Variants in MAPK8 observed in about 807,000 individuals in gnomAD.
MAPK8 encodes mitogen-activated protein kinase 8.
A neutral mutation model predicts 52.9 loss-of-function variants in MAPK8; 13 were observed. The ratio of observed to expected loss-of-function variants is 0.25; its 90% CI spans 0.16 to 0.39. MAPK8 has a LOEUF of 0.39. MAPK8 is among the 10% of genes least tolerant of loss of function. MAPK8 has a pLI of 1.00. For missense variants in MAPK8, 300 were observed against 519.2 expected (o/e 0.58, Z 4.10); for synonymous variants, 191 against 169.8 (o/e 1.12, Z -0.97).
intron 1 of MAPK8, among the ~76,000 whole-genome samples, chr10:48,375,690 A>G (rs1199627380): frequency 6.6e-6 from 1 of 152,218 alleles, no homozygotes; most frequent in Non-Finnish European, 1.5e-5. Flanking sequence ...AGGGATGTGA[A>G]GGAACTCTTC....
At chr10:48,375,818 A>G (rs1436635164) in intron 1 of MAPK8, among the ~76,000 whole-genome samples, 2 of 152,154 alleles carry the variant, frequency 1.3e-5, no homozygotes, top group Non-Finnish European at 2.9e-5. Flanking sequence ...ACTGCCCAAA[A>G]TAATTTGTAG....
At chr10:48,392,574 A>G (rs1011737390) in intron 1 of MAPK8, among the ~76,000 whole-genome samples, 14 of 152,112 alleles carry the variant, frequency 9.2e-5, no homozygotes, top group African/African-American at 3.4e-4. Flanking sequence ...GTATGGCCAC[A>G]CATGTGCTCT....
intron 1 of MAPK8, among the ~76,000 whole-genome samples, chr10:48,322,401 T>C (rs1284452509): frequency 6.6e-6 from 1 of 152,092 alleles, no homozygotes; most frequent in Non-Finnish European, 1.5e-5. Flanking sequence ...ATAGATAATT[T>C]AAGGTTTGGG....
chr10:48,342,336 C>G (rs189509494), intron 1 of MAPK8, among the ~76,000 whole-genome samples: 233 of 152,184 alleles, frequency 1.5e-3, no homozygotes, highest in Non-Finnish European at 1.6e-3. Context: ...ACTTCCTGGT[C>G]TCAAGCAGTC....
intron 1 of MAPK8, among the ~76,000 whole-genome samples, chr10:48,314,917 C>G (rs1321342125): frequency 1.3e-5 from 2 of 152,206 alleles, no homozygotes; most frequent in Non-Finnish European, 2.9e-5. Context: ...AGATATCCAT[C>G]CATTTGTCCC....
At position 48,334,223 on chromosome 10, in the gene MAPK8, C is replaced by G. The variant is rs550334060; in HGVS notation, c.-50+27402C>G. Among the ~76,000 whole-genome samples, 23 of 152,228 alleles carry G rather than the reference C, an allele frequency of 1.5e-4. No individual in the cohort carries two copies. The East Asian group carries it at 4.2e-3, about 28-fold the overall frequency. ...ATGTCAGATGGAGTCTCTTTGGCTC[C>G]CTCTTTCCTTTGTCCCCTAAGCCTA... On this transcript the variant is annotated intron_variant, in intron 1 of 11. Coordinates refer to ENST00000374189, the MANE Select transcript of MAPK8 (RefSeq NM_001323329.2).
chr10:48,322,437 G>A (rs1843090987), intron 1 of MAPK8, among the ~76,000 whole-genome samples: 1 of 152,166 alleles, frequency 6.6e-6, no homozygotes, highest in Non-Finnish European at 1.5e-5. Flanking sequence ...TTCTAGAGAG[G>A]ATTTTTGTTG....
rs1285936189 is a variant in MAPK8, at chr10:48,437,964, A to G, written c.*2935A>G. The G allele has an allele frequency of 6.6e-6, 1 of 152,250 alleles. No individual in the cohort carries two copies. The highest frequency in any genetic ancestry group is 2.4e-5 in the African/African-American group (1 of 41,464). 9.4% of individuals were successfully genotyped at this position (152,250 alleles called of 1,614,324 possible). A position where few individuals can be genotyped will look rare whatever the true frequency, so the allele number is the denominator to read the frequency against. On this transcript the variant is annotated 3_prime_UTR_variant, in exon 12 of 12. Coordinates refer to ENST00000374189, the MANE Select transcript of MAPK8 (RefSeq NM_001323329.2). ...TCTGATAGTGAAATCATCAGCAGGA[A>G]AGTGAAGCTCTTTCCTTGGTTACAG... is the stretch of plus-strand genomic sequence containing the variant.
intron 1 of MAPK8, among the ~76,000 whole-genome samples, chr10:48,395,951 A>G (rs1397161418): frequency 1.3e-5 from 2 of 152,150 alleles, no homozygotes; most frequent in East Asian, 3.8e-4. Context: ...ACTTTGACTT[A>G]AAACTCTTAT....
rs2044881516 is a variant in MAPK8, at chr10:48,436,777, T to G, written c.*1748T>G. 1 of 152,226 alleles carries G rather than the reference T, an allele frequency of 6.6e-6. No homozygotes were observed. The highest frequency in any genetic ancestry group is 2.4e-5 in the African/African-American group (1 of 41,462). 9.4% of individuals were successfully genotyped at this position (152,226 alleles called of 1,614,324 possible). On this transcript the variant is annotated 3_prime_UTR_variant, in exon 12 of 12. Coordinates refer to ENST00000374189, the MANE Select transcript of MAPK8 (RefSeq NM_001323329.2). ...GTTTTCGATGGCTTAGAGTCATGAT[T>G]TCCAGCTTCCCAGCCTTTTTATCAG...
intron 11 of MAPK8, among the ~76,000 whole-genome samples, chr10:48,434,200 A>G (rs1390042501): frequency 6.6e-6 from 1 of 152,194 alleles, no homozygotes; most frequent in Non-Finnish European, 1.5e-5. Flanking sequence ...ATAAATCCAT[A>G]TTTCTGCTTA....
intron 10 of MAPK8, among the ~76,000 whole-genome samples, chr10:48,429,083 A>G (rs1389474276): frequency 2.6e-5 from 4 of 151,722 alleles, no homozygotes; most frequent in African/African-American, 9.7e-5. Flanking sequence ...CAGCCTCCCA[A>G]AGTGCTGGGA....
At chr10:48,336,192 G>A (rs149729557) in intron 1 of MAPK8, among the ~76,000 whole-genome samples, 1 of 152,214 alleles carries the variant, frequency 6.6e-6, no homozygotes, top group African/African-American at 2.4e-5. Flanking sequence ...CAGATTATCA[G>A]TATGTGGAGT....
intron 1 of MAPK8, among the ~76,000 whole-genome samples, chr10:48,380,380 G>T (rs1249869092): frequency 6.6e-6 from 1 of 152,182 alleles, no homozygotes; most frequent in Non-Finnish European, 1.5e-5. Flanking sequence ...TTGTCTGACA[G>T]TGCTTTCCAT....
At chr10:48,310,696 A>G (rs1841895173) in intron 1 of MAPK8, among the ~76,000 whole-genome samples, 1 of 152,060 alleles carries the variant, frequency 6.6e-6, no homozygotes, top group Non-Finnish European at 1.5e-5. Context: ...ATCTCTGTGC[A>G]GGCCAAATTT....
chr10:48,392,935 CTTAT>C (rs1352741012), intron 1 of MAPK8, among the ~76,000 whole-genome samples: 2 of 152,120 alleles, frequency 1.3e-5, no homozygotes, highest in Non-Finnish European at 2.9e-5. Context: ...ACTCAAATGG[CTTAT>C]TTGACACCTC....
chr10:48,338,316 T>C lies in MAPK8; in HGVS notation c.-50+31495T>C, dbSNP rs570417409. On this transcript the variant is annotated intron_variant, in intron 1 of 11. Transcript: ENST00000374189. ...GGTTCAGAATATACAAATCAATAAA[T>C]GTAATTCACCACATAAACAGAATTA... Among the ~76,000 whole-genome samples the C allele has an allele frequency of 3.3e-5, 5 of 152,230 alleles. No individual in the cohort carries two copies. The East Asian group carries it at 9.6e-4, about 29-fold the overall frequency.
chr10:48,346,160 A>G (rs1211378765), intron 1 of MAPK8, among the ~76,000 whole-genome samples: 1 of 152,188 alleles, frequency 6.6e-6, no homozygotes, highest in African/African-American at 2.4e-5. Flanking sequence ...GGCAAGAGAC[A>G]GGGGACACGA....
chr10:48,317,715 T>G (rs982948744), intron 1 of MAPK8, among the ~76,000 whole-genome samples: 15 of 151,974 alleles, frequency 9.9e-5, no homozygotes, highest in African/African-American at 2.7e-4. Context: ...TGCAGAAAAG[T>G]TGTGTGCCCT....
Sources: gnomAD v4.1 joint callset for allele counts (sites outside exome capture counted in the v4.1 genomes callset) on GRCh38, gnomAD v4.1.1 for gene constraint, MANE v1.5 for transcripts, NCBI Gene and HGNC (gene_info 2026-07-23, HGNC 2026-07-21) for gene names.